The following WWOX variants were observed in gnomAD, a reference collection of about 807,000 sequenced individuals.
WWOX encodes the protein WW domain containing oxidoreductase, also known as WW domain-containing oxidoreductase.
Under a neutral mutation model 46.2 loss-of-function variants are expected in WWOX, and 69 were observed. The ratio of observed to expected loss-of-function variants is 1.49; its 90% confidence interval spans 1.23 to 1.82. The LOEUF is 1.82. WWOX is among the 40% of genes most tolerant of loss of function. WWOX has a pLI of 0.00. For missense variants in WWOX, 919 were observed against 542.6 expected (o/e 1.69, Z -6.89); for synonymous variants, 359 against 202.6 (o/e 1.77, Z -6.56).
chr16:78,663,716 A>T (rs1435159046), intron 8 of WWOX, among the ~76,000 whole-genome samples: 1 of 152,156 alleles, frequency 6.6e-6, no homozygotes, highest in Non-Finnish European at 1.5e-5. Context: ...AAGAAAACAG[A>T]TAGTGATTGT....
chr16:79,096,574 A>G (rs922378397), intron 8 of WWOX, among the ~76,000 whole-genome samples: 1 of 152,070 alleles, frequency 6.6e-6, no homozygotes, highest in Non-Finnish European at 1.5e-5. Context: ...CATCTTTAAA[A>G]CAGCAATCTT....
intron 8 of WWOX, among the ~76,000 whole-genome samples, chr16:78,738,576 C>G (rs1292327717): frequency 6.6e-6 from 1 of 152,150 alleles, no homozygotes. Flanking sequence ...CAAGTTTGTT[C>G]AAAACAACTG....
At chr16:78,574,022 A>T (rs906045241) in intron 8 of WWOX, among the ~76,000 whole-genome samples, 16 of 152,142 alleles carry the variant, frequency 1.1e-4, no homozygotes, top group African/African-American at 3.4e-4. Flanking sequence ...GGCTTCCCAA[A>T]TCACCCAGAT....
chr16:78,874,569 C>G (rs1451268874), intron 8 of WWOX, among the ~76,000 whole-genome samples: 1 of 151,632 alleles, frequency 6.6e-6, no homozygotes, highest in African/African-American at 2.4e-5. Flanking sequence ...CAAAAGATGT[C>G]TGGATGGTCT....
intron 8 of WWOX, among the ~76,000 whole-genome samples, chr16:79,190,629 C>G (rs1384971250): frequency 1.3e-5 from 2 of 152,208 alleles, no homozygotes. Context: ...AGAAGATGAA[C>G]TAGTTGGTGT....
chr16:78,748,439 T>G (rs2049400562), intron 8 of WWOX, among the ~76,000 whole-genome samples: 2 of 152,166 alleles, frequency 1.3e-5, no homozygotes, highest in Admixed American at 6.5e-5. Flanking sequence ...GATACAGAGT[T>G]AAATAAAATA....
chr16:78,548,426 C>T (rs1044619323), intron 8 of WWOX, among the ~76,000 whole-genome samples: 1 of 152,038 alleles, frequency 6.6e-6, no homozygotes, highest in African/African-American at 2.4e-5. Context: ...AACATGTTAA[C>T]ATATTATTTT....
At chr16:78,732,094 C>G (rs1431141655) in intron 8 of WWOX, among the ~76,000 whole-genome samples, 1 of 151,924 alleles carries the variant, frequency 6.6e-6, no homozygotes. Flanking sequence ...AAACTCATGC[C>G]CTCAAATGAT....
chr16:79,074,825 A>T (rs552477912), intron 8 of WWOX, among the ~76,000 whole-genome samples: 59 of 152,270 alleles, frequency 3.9e-4, no homozygotes, highest in African/African-American at 1.4e-3. Context: ...CTGAACTCAG[A>T]AAATGGAGAT....
At chr16:78,361,442 C>T (rs12596991) in intron 5 of WWOX, among the ~76,000 whole-genome samples, 16,040 of 152,116 alleles carry the variant, frequency 0.11, 1,253 homozygotes, top group East Asian at 0.3. Context: ...CTGGCAGCCC[C>T]GTTTTCCTTA....
chr16:78,230,692 C>T lies in WWOX; in HGVS notation c.516+66403C>T, dbSNP rs143666160. ...TTTCTCCTGCTAGGAAGCATGGTCTCAGATCCACTTCTAAGGTCAGTGTGA... is the reference window on the plus strand; with the variant it reads ...TTTCTCCTGCTAGGAAGCATGGTCTTAGATCCACTTCTAAGGTCAGTGTGA... On this transcript the variant is annotated intron_variant, in intron 5 of 8. Transcript: ENST00000566780. 3.4e-3 allele frequency among the ~76,000 whole-genome samples: 522 copies of T among 152,304 alleles called. 5 individuals are homozygous for T. Among genetic ancestry groups the T allele is most frequent in the African/African-American group, 0.012 (479 of 41,556 alleles).
chr16:78,490,051 G>T (rs2151459955), intron 8 of WWOX, among the ~76,000 whole-genome samples: 1 of 152,200 alleles, frequency 6.6e-6, no homozygotes, highest in South Asian at 2.1e-4. Flanking sequence ...ACCCTCTGGG[G>T]AGACTAATAT....
At chr16:78,678,577 AT>A (rs1398704990) in intron 8 of WWOX, among the ~76,000 whole-genome samples, 5 of 152,174 alleles carry the variant, frequency 3.3e-5, no homozygotes, top group African/African-American at 1.2e-4. Context: ...AGATGTGATA[AT>A]TGTATAAAGA....
At chr16:78,122,897 G>GC (rs1444811407) in intron 4 of WWOX, among the ~76,000 whole-genome samples, 3 of 152,138 alleles carry the variant, frequency 2.0e-5, no homozygotes, top group African/African-American at 7.2e-5. Flanking sequence ...TAGCCACCAT[G>GC]CCCGGGGGTG....
At position 78,944,036 on chromosome 16, in the gene WWOX, C is replaced by T. The variant is rs182011532; in HGVS notation, c.1057-267572C>T. 2.6e-4 allele frequency among the ~76,000 whole-genome samples: 40 copies of T among 152,258 alleles called. No homozygotes were observed. In the South Asian group the frequency reaches 2.7e-3, roughly 10 times the overall value. ...GGACGTTTGAAGAAAAACAAATAAA[C>T]AAAAACACAAAATCAAGGACGTATT... On this transcript the variant is annotated intron_variant, in intron 8 of 8. Coordinates refer to ENST00000566780, the MANE Select transcript of WWOX (RefSeq NM_016373.4).
chr16:78,793,410 A>G (rs961574940), intron 8 of WWOX, among the ~76,000 whole-genome samples: 12 of 152,106 alleles, frequency 7.9e-5, no homozygotes, highest in Non-Finnish European at 1.6e-4. Context: ...CACAGACTAT[A>G]CGGCTGCTCT....
chr16:78,846,549 G>A (rs1301176285), intron 8 of WWOX, among the ~76,000 whole-genome samples: 2 of 152,068 alleles, frequency 1.3e-5, no homozygotes, highest in Non-Finnish European at 2.9e-5. Flanking sequence ...GCATTTTTGG[G>A]AGGAATATAC....
In WWOX at chr16:78,801,326, A is replaced by G. The variant is rs539029693; in HGVS notation, c.1056+368574A>G. On this transcript the variant is annotated intron_variant, in intron 8 of 8. Transcript: ENST00000566780. ...GGAGTTTGAGACCACCCTGGCCAAC[A>G]TGGTGAAATCCCATCTCTACTAAAA... 6.6e-5 allele frequency among the ~76,000 whole-genome samples: 10 copies of G among 152,282 alleles called. No homozygotes were observed. The East Asian group carries it at 1.4e-3, about 21-fold the overall frequency.
chr16:79,067,085 C>A (rs1292520213), intron 8 of WWOX, among the ~76,000 whole-genome samples: 1 of 152,184 alleles, frequency 6.6e-6, no homozygotes, highest in African/African-American at 2.4e-5. Context: ...TTAGTGAGGT[C>A]TCCCTGAAAG....
Sources: gnomAD v4.1 joint callset for allele counts (sites outside exome capture counted in the v4.1 genomes callset) on GRCh38, gnomAD v4.1.1 for gene constraint, MANE v1.5 for transcripts, NCBI Gene and HGNC (gene_info 2026-07-23, HGNC 2026-07-21) for gene names.